The following CDH23 variants were observed in gnomAD, a reference collection of about 807,000 sequenced individuals.
CDH23 encodes the protein cadherin-23.
CDH23 carries 189 observed loss-of-function variants against 317.1 expected under a neutral mutation model. The observed-to-expected ratio is 0.60, with a 90% CI of 0.53 to 0.67. The LOEUF is 0.67. Among genes scored for constraint, CDH23 ranks in the 30% least tolerant of loss-of-function variants. The probability of loss-of-function intolerance (pLI) is 0.00; values close to 1 mark genes in which losing one functional copy is unlikely to be tolerated. For missense variants in CDH23, 4,401 were observed against 4,592.4 expected, an observed-to-expected ratio of 0.96 and a Z score of 1.20; for synonymous variants, 1,839 against 1,876.8, an observed-to-expected ratio of 0.98 and a Z score of 0.52.
chr10:71,434,809 G>A (rs1019395399), intron 1 of CDH23, among the ~76,000 whole-genome samples: 1 of 152,160 alleles, frequency 6.6e-6, no homozygotes, highest in African/African-American at 2.4e-5. Flanking sequence ...CCCTGATGGA[G>A]CATGCATTCT....
chr10:71,669,342 T>G (rs1388027508), intron 14 of CDH23, among the ~76,000 whole-genome samples: 1 of 152,218 alleles, frequency 6.6e-6, no homozygotes, highest in Non-Finnish European at 1.5e-5. Flanking sequence ...GCAGCCTCAG[T>G]GACCTTCAAG....
At chr10:71,548,920 T>A (rs1856435107) in intron 6 of CDH23, among the ~76,000 whole-genome samples, 2 of 152,246 alleles carry the variant, frequency 1.3e-5, no homozygotes, top group African/African-American at 4.8e-5. Flanking sequence ...GCAATCACCA[T>A]AACCGATAGC....
chr10:71,653,299 G>A (rs1450511179), intron 14 of CDH23, among the ~76,000 whole-genome samples: 1 of 152,144 alleles, frequency 6.6e-6, no homozygotes, highest in Non-Finnish European at 1.5e-5. Flanking sequence ...TGGCCGTGTT[G>A]AAGGCAAGCT....
Position 71,751,481 on chromosome 10 carries a change from C to T in CDH23, c.4845+9560C>T, listed in dbSNP as rs1349345491. On this transcript the variant is annotated intron_variant, in intron 38 of 69. Transcript: ENST00000224721. This position sits in a 1 kb window ranked among gnomAD's most constrained non-coding sequence, Gnocchi z 4.9. ...GGGCCCCTCTGTCCCTCACCCTCAA[C>T]CCCACCCCGTGAGGCCGTGGAACTC... Among the ~76,000 whole-genome samples the T allele has an allele frequency of 1.1e-5, 1 of 93,448 alleles. No individual in the cohort carries two copies. Among genetic ancestry groups the T allele is most frequent in the African/African-American group, 4.6e-5 (1 of 21,736 alleles). The allele number at this position is 93,448 out of a possible 152,430, so 61.3% of individuals were successfully genotyped here.
chr10:71,756,608 C>T (rs542028322), intron 38 of CDH23, among the ~76,000 whole-genome samples: 19 of 152,330 alleles, frequency 1.2e-4, no homozygotes, highest in African/African-American at 4.1e-4. Context: ...CTTCGCTGTC[C>T]CAACAGCATG....
intron 48 of CDH23, among the ~76,000 whole-genome samples, chr10:71,795,187 G>A (rs562968284): frequency 2.7e-4 from 41 of 152,246 alleles, no homozygotes; most frequent in African/African-American, 9.6e-4. Flanking sequence ...AGGGGAGAAG[G>A]GAAGGAGAGA....
chr10:71,647,011 A>T, intron 14 of CDH23: 1 of 985,230 alleles, frequency 1.0e-6, no homozygotes, highest in Non-Finnish European at 1.2e-6. Flanking sequence ...AGGCGCCTGG[A>T]GGGTACCGGG....
At chr10:71,442,100 T>C (rs923634663) in intron 2 of CDH23, among the ~76,000 whole-genome samples, 2 of 152,226 alleles carry the variant, frequency 1.3e-5, no homozygotes, top group Non-Finnish European at 2.9e-5. Context: ...GTTGGCTCCT[T>C]TATTATCAGA....
In CDH23 at chr10:71,438,519, G is replaced by T. The variant is rs559752267; in HGVS notation, c.-5-1308G>T. Among the ~76,000 whole-genome samples the T allele has an allele frequency of 5.3e-5, 8 of 152,220 alleles. No homozygotes were observed. The South Asian group carries it at 1.5e-3, about 28-fold the overall frequency. ...CGTGTTGGTCAGGAACATCTGGTAG[G>T]GTCACCTCATTGTTCACTGAGGACA... On this transcript the variant is annotated intron_variant, in intron 1 of 69. Transcript: ENST00000224721.
At chr10:71,621,310 G>A (rs1451189798) in intron 11 of CDH23, among the ~76,000 whole-genome samples, 1 of 152,216 alleles carries the variant, frequency 6.6e-6, no homozygotes, top group Non-Finnish European at 1.5e-5. Context: ...GGAGCCAGCA[G>A]AGCAGTCAGA....
Position 71,807,696 on chromosome 10 carries a change from A to G in CDH23, c.8489A>G (p.Gln2830Arg). Residue 2830 changes from glutamine (Q) to arginine (R), a missense_variant, in exon 59 of 70, where the codon CAG becomes CGG. Gln to Arg is a conservative substitution (Grantham distance 43). Coordinates refer to ENST00000224721, the MANE Select transcript of CDH23 (RefSeq NM_022124.6). ...TLDLVADLTL[Q>R]EVRVVLEDIN... ...GACCTGGTTGCTGACCTCACACTGC[A>G]GGAGGTGCGCGTTGTGCTAGAGGAC... The G allele has an allele frequency of 1.2e-6, 2 of 1,613,396 alleles. No individual in the cohort carries two copies. The highest frequency in any genetic ancestry group is 1.7e-6 in the Non-Finnish European group (2 of 1,179,650).
chr10:71,749,954 G>A (rs1242391234), intron 38 of CDH23: 2 of 152,260 alleles, frequency 1.3e-5, no homozygotes, highest in Non-Finnish European at 2.9e-5. Context: ...CACAGTACCT[G>A]GGGCCCCCAT....
intron 44 of CDH23, among the ~76,000 whole-genome samples, chr10:71,788,168 T>G (rs1841152309): frequency 6.6e-6 from 1 of 151,754 alleles, no homozygotes; most frequent in South Asian, 2.1e-4. Context: ...CTGTCTCAAC[T>G]TCCCAAGTAG....
chr10:71,770,114 A>C (rs189853234), intron 38 of CDH23, among the ~76,000 whole-genome samples: 2 of 152,352 alleles, frequency 1.3e-5, no homozygotes, highest in Non-Finnish European at 2.9e-5. Context: ...ATGCCTTCCC[A>C]GGCCCTGGGC....
At chr10:71,654,725 C>G (rs933171008) in intron 14 of CDH23, among the ~76,000 whole-genome samples, 3 of 152,118 alleles carry the variant, frequency 2.0e-5, no homozygotes, top group Non-Finnish European at 4.4e-5. Flanking sequence ...GGCCCAAGCA[C>G]CCACATGTAG....
intron 9 of CDH23, among the ~76,000 whole-genome samples, chr10:71,599,983 G>A (rs931234894): frequency 1.5e-5 from 2 of 131,494 alleles, no homozygotes; most frequent in African/African-American, 5.8e-5. Context: ...CACCTTCAAT[G>A]TCTTTCCTTT....
intron 14 of CDH23, among the ~76,000 whole-genome samples, chr10:71,673,140 T>C (rs930897791): frequency 1.7e-4 from 26 of 152,230 alleles, no homozygotes; most frequent in African/African-American, 6.3e-4. Context: ...TCTTATTCAT[T>C]TTTCAGGCAT....
intron 3 of CDH23, among the ~76,000 whole-genome samples, chr10:71,497,039 T>C (rs1853015765): frequency 6.6e-6 from 1 of 152,094 alleles, no homozygotes; most frequent in South Asian, 2.1e-4. Context: ...GGTTCACGAG[T>C]GCAGCCTCAT....
At chr10:71,420,586 ATGATGG>A (rs1229674045) in intron 1 of CDH23, among the ~76,000 whole-genome samples, 1 of 148,002 alleles carries the variant, frequency 6.8e-6, no homozygotes, top group Admixed American at 6.7e-5. Flanking sequence ...GATGATGGTG[ATGATGG>A]TGATGGTGAT....
Sources: allele counts gnomAD v4.1 joint callset (sites outside exome capture counted in the v4.1 genomes callset), GRCh38; gene constraint gnomAD v4.1.1; non-coding constraint Gnocchi (gnomAD v3.1); transcripts MANE v1.5; gene names NCBI Gene and HGNC (gene_info 2026-07-23, HGNC 2026-07-21).